Variants in UBE3C observed in about 807,000 individuals in gnomAD.
UBE3C encodes the protein ubiquitin-protein ligase E3C.
In UBE3C, 42 loss-of-function variants were observed where a neutral mutation model predicts 129.4. That is an observed-to-expected ratio of 0.32 (90% CI 0.25 to 0.42). The LOEUF is 0.42. Ranked by LOEUF, UBE3C falls within the 10% of genes least tolerant of loss-of-function variation. The probability of loss-of-function intolerance (pLI) is 1.00; values close to 1 mark genes in which losing one functional copy is unlikely to be tolerated. For missense variants in UBE3C, 1,049 were observed against 1,319.1 expected (o/e 0.80, Z 3.17); for synonymous variants, 510 against 492.4 (o/e 1.04, Z -0.47).
chr7:157,190,339 T>G lies in UBE3C; in HGVS notation c.1331+3318T>G, dbSNP rs552633502. On this transcript the variant is annotated intron_variant, in intron 10 of 22. Coordinates refer to ENST00000348165, the MANE Select transcript of UBE3C (RefSeq NM_014671.3). ...AGAGCCTCCTCTTTCTGTCCCTGTTTTGGTGAACAGGCCCGTCATCTACTT... is the reference window on the plus strand; with the variant it reads ...AGAGCCTCCTCTTTCTGTCCCTGTTGTGGTGAACAGGCCCGTCATCTACTT... Among the ~76,000 whole-genome samples the G allele has an allele frequency of 9.2e-5, 14 of 151,590 alleles. No individual in the cohort carries two copies. In the South Asian group the frequency reaches 2.5e-3, roughly 27 times the overall value.
At chr7:157,262,322 CAT>C (rs1376605719) in intron 22 of UBE3C, among the ~76,000 whole-genome samples, 1 of 139,708 alleles carries the variant, frequency 7.2e-6, no homozygotes, top group Non-Finnish European at 1.5e-5. Flanking sequence ...TTATATGCCA[CAT>C]ATATATTTTT....
chr7:157,201,066 G>T (rs1260191212), intron 10 of UBE3C, among the ~76,000 whole-genome samples: 1 of 152,166 alleles, frequency 6.6e-6, no homozygotes, highest in Non-Finnish European at 1.5e-5. Flanking sequence ...GCACACACCT[G>T]TAATCCCAGC....
At chr7:157,198,239 T>C in intron 10 of UBE3C, 3 of 1,325,962 alleles carry the variant, frequency 2.3e-6, no homozygotes, top group South Asian at 2.3e-5. Context: ...CCAATCTGTA[T>C]CCTCCACCTG....
intron 1 of UBE3C, among the ~76,000 whole-genome samples, chr7:157,161,405 A>C (rs1808066603): frequency 6.6e-6 from 1 of 151,914 alleles, no homozygotes; most frequent in Non-Finnish European, 1.5e-5. Flanking sequence ...TTTTTATGTG[A>C]AATTTTCTTT....
intron 18 of UBE3C, among the ~76,000 whole-genome samples, chr7:157,245,945 C>A (rs559856545): frequency 7.3e-6 from 1 of 136,192 alleles, no homozygotes; most frequent in East Asian, 2.4e-4. Context: ...GAGCCGAGAT[C>A]GTGCCACTGC....
intron 16 of UBE3C, among the ~76,000 whole-genome samples, chr7:157,224,561 A>T (rs1182365): frequency 0.52 from 78,566 of 152,054 alleles, 23,255 homozygotes; most frequent in Non-Finnish European, 0.66. Context: ...TTTGATGTAC[A>T]AAACTTTGTT....
intron 17 of UBE3C, among the ~76,000 whole-genome samples, chr7:157,229,035 T>C (rs1202770954): frequency 3.9e-5 from 6 of 151,958 alleles, no homozygotes; most frequent in Non-Finnish European, 8.8e-5. Flanking sequence ...TTTGGGTGAC[T>C]ATGCACCAAA....
intron 10 of UBE3C, chr7:157,198,544 A>C: frequency 1.0e-5 from 3 of 297,656 alleles, no homozygotes; most frequent in South Asian, 3.1e-5. Context: ...TTTTTTTTTT[A>C]TTTTTTTCGA....
At chr7:157,169,713 G>T (rs1808314413) in intron 3 of UBE3C, among the ~76,000 whole-genome samples, 1 of 151,764 alleles carries the variant, frequency 6.6e-6, no homozygotes, top group Non-Finnish European at 1.5e-5. Context: ...AGAGAGTCTT[G>T]CTCTGTCACA....
intron 14 of UBE3C, 61 bp downstream of exon 14, chr7:157,217,032 C>G (rs559290239): frequency 4.6e-5 from 61 of 1,336,878 alleles, no homozygotes; most frequent in Non-Finnish European, 6.4e-5. Flanking sequence ...TTGTGTCTTT[C>G]TGGAGAGAAG....
chr7:157,183,797 T>A (rs570309027), intron 8 of UBE3C, 81 bp from the exon 9 acceptor site: 2 of 1,502,362 alleles, frequency 1.3e-6, no homozygotes, highest in Non-Finnish European at 1.8e-6. Context: ...TCTCTGCGTG[T>A]GAGGAAAAAT....
chr7:157,182,437 C>CAGCAAATACACTCT, intron 8 of UBE3C, 109 bp downstream of exon 8: 1 of 1,118,614 alleles, frequency 8.9e-7, no homozygotes, highest in Non-Finnish European at 1.3e-6. Flanking sequence ...TGGGCCTCTC[C>CAGCAAATACACTCT]TGGAGGAGTG....
At chr7:157,188,878 A>G (rs543598373) in intron 10 of UBE3C, 3 of 519,322 alleles carry the variant, frequency 5.8e-6, no homozygotes, top group African/African-American at 3.8e-5. Flanking sequence ...GCCCTCACTG[A>G]TTAATATTAG....
intron 4 of UBE3C, among the ~76,000 whole-genome samples, chr7:157,172,993 C>T (rs1039832000): frequency 3.9e-5 from 6 of 152,144 alleles, no homozygotes; most frequent in South Asian, 4.1e-4. Flanking sequence ...CTTTCGGCCT[C>T]GAGCAAATAT....
chr7:157,225,156 A>G (rs571215515), intron 16 of UBE3C, among the ~76,000 whole-genome samples: 24 of 152,284 alleles, frequency 1.6e-4, no homozygotes, highest in Admixed American at 9.2e-4. Flanking sequence ...GCATGAGCCA[A>G]TGTGCCTGGC....
chr7:157,256,165 G>T (rs984364619), intron 21 of UBE3C, among the ~76,000 whole-genome samples: 1 of 151,914 alleles, frequency 6.6e-6, no homozygotes, highest in African/African-American at 2.4e-5. Flanking sequence ...TATTTTGAGG[G>T]CGAATCTCAC....
chr7:157,172,168 G>A (rs1199215704), intron 4 of UBE3C, among the ~76,000 whole-genome samples: 1 of 151,714 alleles, frequency 6.6e-6, no homozygotes, highest in Non-Finnish European at 1.5e-5. Flanking sequence ...AGTAACTGGG[G>A]TTACAAGCTT....
intron 10 of UBE3C, among the ~76,000 whole-genome samples, chr7:157,193,317 G>C (rs1301775329): frequency 2.0e-5 from 3 of 152,048 alleles, no homozygotes; most frequent in Admixed American, 1.3e-4. Context: ...CTTTGTACTT[G>C]TGTGCTATAA....
rs529685881 is a variant in UBE3C, at chr7:157,232,507, G to C, written c.2481+1180G>C. On this transcript the variant is annotated intron_variant, in intron 18 of 22. Coordinates refer to ENST00000348165, the MANE Select transcript of UBE3C (RefSeq NM_014671.3). ...CTGAACAACAGGTGTGCACCACCAC[G>C]CCCAGCTAATTTTTCTATTTTTAGA... Among the ~76,000 whole-genome samples, 30 of 152,152 alleles carry C rather than the reference G, an allele frequency of 2.0e-4. No individual in the cohort carries two copies. In the South Asian group the frequency reaches 2.5e-3, roughly 13 times the overall value.
Sources: allele counts gnomAD v4.1 joint callset (sites outside exome capture counted in the v4.1 genomes callset), GRCh38; gene constraint gnomAD v4.1.1; transcripts MANE v1.5; gene names NCBI Gene and HGNC (gene_info 2026-07-23, HGNC 2026-07-21).